Variants in HIVEP3 observed in about 807,000 individuals in gnomAD.
HIVEP3 encodes transcription factor HIVEP3.
Under a neutral mutation model 152.8 loss-of-function variants are expected in HIVEP3, and 49 were observed. The ratio of observed to expected loss-of-function variants is 0.32; its 90% CI spans 0.26 to 0.41. The LOEUF is 0.41. Ranked by LOEUF, HIVEP3 falls within the 10% of genes least tolerant of loss-of-function variation. The pLI is 1.00. For missense variants in HIVEP3, 2,790 were observed against 3,103.3 expected (o/e 0.90, Z 2.40); for synonymous variants, 1,269 against 1,289.0 (o/e 0.98, Z 0.33).
In HIVEP3 at chr1:41,817,120, G is replaced by A. The variant is rs1216328488; in HGVS notation, c.-801+101293C>T. 2.0e-5 allele frequency among the ~76,000 whole-genome samples: 3 copies of A among 152,212 alleles called. 1 individual carries two copies. The highest frequency in any genetic ancestry group is 4.4e-5 in the Non-Finnish European group (3 of 68,036). The stretch of plus-strand genomic sequence containing the variant: ...TGCCCATCATAGCACTTAACACATA[G>A]TAGGCATTTACTGAATGCTTATTGA... On this transcript the variant is annotated intron_variant, in intron 1 of 8. Coordinates refer to ENST00000372583, the MANE Select transcript of HIVEP3 (RefSeq NM_024503.5).
Position 41,839,264 on chromosome 1 carries a change from T to C in HIVEP3, c.-801+79149A>G, listed in dbSNP as rs572156150. Among the ~76,000 whole-genome samples, 7 of 152,308 alleles carry C rather than the reference T, an allele frequency of 4.6e-5. No individual in the cohort carries two copies. In the South Asian group the frequency reaches 1.5e-3, roughly 32 times the overall value. On this transcript the variant is annotated intron_variant, in intron 1 of 8. Coordinates refer to ENST00000372583, the MANE Select transcript of HIVEP3 (RefSeq NM_024503.5). Reference sequence around the variant, plus strand: ...CCATCCAAAGCAGCACCCACCTCTGTTACTGGCTCTACATATCAAGAGTAC... The same window carrying C: ...CCATCCAAAGCAGCACCCACCTCTGCTACTGGCTCTACATATCAAGAGTAC...
chr1:41,828,474 C>T lies in HIVEP3; in HGVS notation c.-801+89939G>A, dbSNP rs530257369. On this transcript the variant is annotated intron_variant, in intron 1 of 8. Coordinates refer to ENST00000372583, the MANE Select transcript of HIVEP3 (RefSeq NM_024503.5). ...TTGACTGTTTCCAAAATATGACCCC[C>T]TCCTTTAAAAGATGAATGGCCTTCC... Among the ~76,000 whole-genome samples the T allele has an allele frequency of 9.6e-4, 146 of 152,354 alleles. No homozygotes were observed. In the Middle Eastern group the frequency reaches 0.02, roughly 21 times the overall value.
At chr1:41,539,370 C>T (rs6664458) in intron 5 of HIVEP3, among the ~76,000 whole-genome samples, 3,713 of 152,286 alleles carry the variant, frequency 0.024, 152 homozygotes, top group African/African-American at 0.083. Context: ...TGATGCTGCT[C>T]GAGACTTCTT....
intron 1 of HIVEP3, among the ~76,000 whole-genome samples, chr1:42,031,416 C>T (rs1161036659): frequency 6.6e-6 from 1 of 152,076 alleles, no homozygotes; most frequent in Non-Finnish European, 1.5e-5. Context: ...CAATTTGCTC[C>T]TAGTAAGGTT....
chr1:41,850,466 G>A (rs1438543624), intron 1 of HIVEP3, among the ~76,000 whole-genome samples: 1 of 152,134 alleles, frequency 6.6e-6, no homozygotes, highest in Non-Finnish European at 1.5e-5. Flanking sequence ...CTTGCACACA[G>A]AAACAATGAA....
chr1:41,824,657 T>A (rs1157206355), intron 1 of HIVEP3, among the ~76,000 whole-genome samples: 2 of 150,446 alleles, frequency 1.3e-5, no homozygotes, highest in African/African-American at 4.9e-5. Flanking sequence ...TAGTCCCTCC[T>A]AGGAACACAA....
intron 3 of HIVEP3, among the ~76,000 whole-genome samples, chr1:41,590,003 C>G (rs1466431518): frequency 6.6e-6 from 1 of 152,224 alleles, no homozygotes; most frequent in Non-Finnish European, 1.5e-5. Context: ...AATGACCTAG[C>G]AACAAAGCCA....
intron 5 of HIVEP3, among the ~76,000 whole-genome samples, chr1:41,551,537 T>G (rs1208804074): frequency 6.6e-6 from 1 of 152,234 alleles, no homozygotes; most frequent in East Asian, 1.9e-4. Flanking sequence ...AGGCTATTAA[T>G]TATTGCCTCA....
intron 1 of HIVEP3, among the ~76,000 whole-genome samples, chr1:41,951,138 G>A (rs1382924683): frequency 6.6e-6 from 1 of 152,132 alleles, no homozygotes; most frequent in Non-Finnish European, 1.5e-5. Context: ...TAAAGTCTTT[G>A]ACCATAAAAG....
At chr1:41,643,855 A>T (rs915331442) in intron 2 of HIVEP3, among the ~76,000 whole-genome samples, 37 of 44,370 alleles carry the variant, frequency 8.3e-4, no homozygotes, top group South Asian at 1.6e-3. Context: ...CACCCCCCTC[A>T]CCCCCTCCCC....
Position 41,800,949 on chromosome 1 carries a change from A to G in HIVEP3, c.-800-99954T>C, listed in dbSNP as rs141014300. On this transcript the variant is annotated intron_variant, in intron 1 of 8. Coordinates refer to ENST00000372583, the MANE Select transcript of HIVEP3 (RefSeq NM_024503.5). ...AACTCCCTCCCTCCCTTTCGTCTACATTATCTGGCCCTGAACCATGACTGT... is the reference window on the plus strand; with the variant it reads ...AACTCCCTCCCTCCCTTTCGTCTACGTTATCTGGCCCTGAACCATGACTGT... 3.3e-5 allele frequency among the ~76,000 whole-genome samples: 5 copies of G among 152,282 alleles called. No homozygotes were observed. In the East Asian group the frequency reaches 9.6e-4, roughly 29 times the overall value.
chr1:41,995,686 T>C (rs1285341662), intron 1 of HIVEP3, among the ~76,000 whole-genome samples: 1 of 152,244 alleles, frequency 6.6e-6, no homozygotes, highest in Non-Finnish European at 1.5e-5. Flanking sequence ...CAATAATTTA[T>C]GATCAGGAGG....
intron 2 of HIVEP3, among the ~76,000 whole-genome samples, chr1:41,629,786 C>T (rs1052429388): frequency 6.6e-5 from 10 of 152,058 alleles, no homozygotes; most frequent in African/African-American, 9.7e-5. Context: ...CAGATGCTGG[C>T]GAGACCGTGG....
At chr1:41,675,157 C>T (rs1157005116) in intron 2 of HIVEP3, among the ~76,000 whole-genome samples, 1 of 152,152 alleles carries the variant, frequency 6.6e-6, no homozygotes, top group Non-Finnish European at 1.5e-5. Flanking sequence ...TAAATCCTCT[C>T]AATGGCTTCC....
chr1:41,707,352 C>T (rs1413628092), intron 1 of HIVEP3, among the ~76,000 whole-genome samples: 3 of 152,206 alleles, frequency 2.0e-5, no homozygotes, highest in East Asian at 3.8e-4. Context: ...AGGGCAATGA[C>T]AAGATTTCGT....
At chr1:41,792,066 C>T (rs1649730945) in intron 1 of HIVEP3, among the ~76,000 whole-genome samples, 3 of 152,180 alleles carry the variant, frequency 2.0e-5, no homozygotes, top group Non-Finnish European at 4.4e-5. Flanking sequence ...CCGTATGCCC[C>T]CAAATATCTA....
chr1:41,516,184 G>GGCCCCTTCCCAGGGCCCTTGCAGGAGCC (rs1642600471), intron 7 of HIVEP3, among the ~76,000 whole-genome samples: 1 of 152,252 alleles, frequency 6.6e-6, no homozygotes, highest in African/African-American at 2.4e-5. Context: ...CTGGCTGGGC[G>GGCCCCTTCCCAGGGCCCTTGCAGGAGCC]GCCCCGCCCC....
intron 2 of HIVEP3, among the ~76,000 whole-genome samples, chr1:41,641,239 G>A (rs1645366897): frequency 6.6e-6 from 1 of 152,280 alleles, no homozygotes; most frequent in African/African-American, 2.4e-5. Flanking sequence ...CTGGCCCACA[G>A]TAGGACAGGG....
chr1:41,532,984 G>A (rs1406910904), intron 5 of HIVEP3, among the ~76,000 whole-genome samples: 1 of 152,182 alleles, frequency 6.6e-6, no homozygotes, highest in East Asian at 1.9e-4. Flanking sequence ...AGAGAAGCAG[G>A]AAACTGGGAG....
Sources: allele counts gnomAD v4.1 joint callset (sites outside exome capture counted in the v4.1 genomes callset), GRCh38; gene constraint gnomAD v4.1.1; transcripts MANE v1.5; gene names NCBI Gene and HGNC (gene_info 2026-07-23, HGNC 2026-07-21).